SEPTIN8: variants seen among roughly 807,000 people sequenced by gnomAD.
The protein encoded by SEPTIN8 is septin 8.
A neutral mutation model predicts 53.1 loss-of-function variants in SEPTIN8; 22 were observed. That is an observed-to-expected ratio of 0.41 (90% CI 0.30 to 0.59). The LOEUF (loss-of-function observed/expected upper bound fraction) is 0.59, where lower values mean the gene tolerates loss of function less well. Ranked by LOEUF, SEPTIN8 falls within the 20% of genes least tolerant of loss-of-function variation. The pLI is 0.24. For synonymous variants in SEPTIN8, 228 were observed against 248.4 expected (o/e 0.92, Z 0.77); for missense variants, 536 against 638.7 (o/e 0.84, Z 1.73).
chr5:132,753,683 TATTATAGGCTAAC>T (rs1755058083), intron 9 of SEPTIN8: 1 of 152,526 alleles, frequency 6.6e-6, no homozygotes, highest in African/African-American at 2.4e-5. Context: ...AATGAATGGG[TATTATAGGCTAAC>T]ACCTGTGATG....
At position 132,764,330 on chromosome 5, in the gene SEPTIN8, C is replaced by T. The variant is rs747374930; in HGVS notation, c.241G>A (p.Val81Met). 1.5e-5 allele frequency: 25 copies of T among 1,614,078 alleles called. No individual in the cohort carries two copies. Among genetic ancestry groups the T allele is most frequent in the South Asian group, 1.1e-4 (10 of 91,076 alleles). ...TEEASHHEAC[V>M]RLRPQTYDLQ... ...TCATAGGTCTGGGGCCGCAGGCGCA[C>T]GCATGCCTCATGGTGACTGGCTTCC... The change falls in exon 3 of 10, where the codon GTG becomes ATG. Residue 81 changes from valine (V) to methionine (M), a missense_variant. Around this residue, in one of 3 missense-constraint regions of SEPTIN8, gnomAD observed 395 missense variants for 451.8 expected, o/e 0.87. Coordinates refer to ENST00000378719, the MANE Select transcript of SEPTIN8 (RefSeq NM_001098811.2).
At chr5:132,778,237 C>G (rs940343907), upstream of SEPTIN8, 8 of 307,958 alleles carry the variant, frequency 2.6e-5, no homozygotes, top group Non-Finnish European at 3.8e-5. Context: ...GCCCCCTACC[C>G]CCCACTGGCC....
At chr5:132,762,381 G>A (rs554957610) in intron 5 of SEPTIN8, 103 bp downstream of exon 5, 2 of 1,189,962 alleles carry the variant, frequency 1.7e-6, no homozygotes, top group Admixed American at 4.0e-5. Context: ...GAGAAGCTAA[G>A]GCTGGAATCC....
chr5:132,757,187 TAAA>T, intron 9 of SEPTIN8: 1 of 977,298 alleles, frequency 1.0e-6, no homozygotes, highest in Non-Finnish European at 1.2e-6. Flanking sequence ...TTGTTTTTCT[TAAA>T]GAAGTCTTTC....
intron 5 of SEPTIN8, among the ~76,000 whole-genome samples, 175 bp downstream of exon 5, chr5:132,762,309 T>C (rs112109081): frequency 2.0e-5 from 3 of 152,328 alleles, no homozygotes; most frequent in African/African-American, 4.8e-5. Context: ...TATCAGATTC[T>C]TCCTGTCCCC....
chr5:132,757,539 AG>A, intron 9 of SEPTIN8: 8 of 985,538 alleles, frequency 8.1e-6, no homozygotes, highest in Non-Finnish European at 9.6e-6. Context: ...CGTCTTCCTG[AG>A]GCTTCCAGCC....
chr5:132,760,985 T>C lies in SEPTIN8; in HGVS notation c.1103A>G (p.Glu368Gly). ...ELKEKERELH[E>G]KFEHLKRVHQ... ...GACCCGCTTCAGGTGCTCAAACTTC[T>C]CATGGAGCTGGCATCAGAAAGGGGG... is the stretch of plus-strand genomic sequence containing the variant. Residue 368 changes from glutamate (E) to glycine (G), a missense_variant, in exon 9 of 10, where the codon GAG (glutamate) becomes GGG (glycine). Glu to Gly is a moderately conservative substitution (Grantham distance 98). Around this residue, in one of 3 missense-constraint regions of SEPTIN8, gnomAD observed 133 missense variants for 157.4 expected, o/e 0.84. Transcript: ENST00000378719. This position sits in a 1 kb window ranked among gnomAD's most constrained non-coding sequence, Gnocchi z 5.2. 1.9e-6 allele frequency: 3 copies of C among 1,580,238 alleles called. No individual in the cohort carries two copies. The highest frequency in any genetic ancestry group is 2.6e-6 in the Non-Finnish European group (3 of 1,163,794).
rs1756368085 is a variant in SEPTIN8, at chr5:132,764,427, G to C, written c.152-8C>G. On this transcript the variant is annotated splice_polypyrimidine_tract_variant and splice_region_variant and intron_variant, in intron 2 of 9. Transcript: ENST00000378719. ...TGCCAATGCCGGTCTCCCCTGGGCA[G>C]TGAGGACAGGAGGGGAAGAAGTGGG... 2 of 1,607,890 alleles carry C rather than the reference G, an allele frequency of 1.2e-6. No individual in the cohort carries two copies. Among genetic ancestry groups the C allele is most frequent in the Non-Finnish European group, 1.7e-6 (2 of 1,176,500 alleles).
chr5:132,757,916 T>A, intron 9 of SEPTIN8: 2 of 985,764 alleles, frequency 2.0e-6, no homozygotes, highest in Non-Finnish European at 2.4e-6. Flanking sequence ...TAACAACCTT[T>A]TTCCCACTGA....
At chr5:132,775,626 C>G (rs30522) in intron 1 of SEPTIN8, 146,545 of 152,316 alleles carry the variant, frequency 0.96, 70,574 homozygotes, top group East Asian at 1. Context: ...CCACCTGCAA[C>G]ATCAACTGTT....
chr5:132,767,985 ACG>A (rs1756791380), intron 1 of SEPTIN8, among the ~76,000 whole-genome samples: 1 of 149,822 alleles, frequency 6.7e-6, no homozygotes, highest in Non-Finnish European at 1.5e-5. Flanking sequence ...ACACACACAC[ACG>A]CAGCCGCAGA....
chr5:132,766,369 G>C (rs1003064502), intron 1 of SEPTIN8, among the ~76,000 whole-genome samples: 2 of 152,226 alleles, frequency 1.3e-5, no homozygotes, highest in African/African-American at 4.8e-5. Context: ...GGGCTGAGCG[G>C]CAGGCCCCGA....
At chr5:132,755,154 G>A (rs1354901078) in intron 9 of SEPTIN8, among the ~76,000 whole-genome samples, 1 of 152,152 alleles carries the variant, frequency 6.6e-6, no homozygotes, top group Non-Finnish European at 1.5e-5. Context: ...GCCTGCATTA[G>A]GGATGTGTTC....
In SEPTIN8 at chr5:132,762,648, GC is replaced by G; in HGVS notation, c.535-4del. ...GCGATGATGGGAATAATGTTCACCT[GC>G]CAGGATCAGGGGAGGGGACAGCAGG... On this transcript the variant is annotated splice_region_variant and splice_polypyrimidine_tract_variant and intron_variant, in intron 4 of 9. Transcript: ENST00000378719. 1.2e-6 allele frequency: 2 copies of G among 1,614,158 alleles called. No homozygotes were observed. The highest frequency in any genetic ancestry group is 1.7e-6 in the Non-Finnish European group (2 of 1,179,992).
In SEPTIN8 at chr5:132,763,885, G is replaced by A. The variant is rs1756273615; in HGVS notation, c.355C>T (p.Pro119Ser). The A allele has an allele frequency of 6.4e-7, 1 of 1,568,508 alleles. No individual in the cohort carries two copies. The highest frequency in any genetic ancestry group is 1.8e-5 in the Admixed American group (1 of 56,190). Residue 119 changes from proline to serine, a missense_variant, in exon 4 of 10, where the codon CCC (proline) becomes TCC (serine). Pro to Ser is a moderately conservative substitution (Grantham distance 74, BLOSUM62 -1). This residue lies in a region of SEPTIN8 where 395 missense variants were observed against 451.8 expected (regional missense o/e 0.87). Coordinates refer to ENST00000378719, the MANE Select transcript of SEPTIN8 (RefSeq NM_001098811.2). ...TGCGCATCGATGTAGTCAACTATGG[G>A]CCTGTAACTACAGACAGCTCCATCA... ...DQINKDESYR[P>S]IVDYIDAQFE...
chr5:132,769,982 C>CATATATAT (rs1164726534), intron 1 of SEPTIN8, among the ~76,000 whole-genome samples: 52 of 55,316 alleles, frequency 9.4e-4, no homozygotes, highest in Middle Eastern at 0.012. Flanking sequence ...TCTATATATA[C>CATATATAT]ATATATATAT....
At chr5:132,775,358 C>A (rs1206719146) in intron 1 of SEPTIN8, among the ~76,000 whole-genome samples, 1 of 152,166 alleles carries the variant, frequency 6.6e-6, no homozygotes, top group Admixed American at 6.5e-5. Flanking sequence ...GGGGGCCAGT[C>A]CTCACATCCA....
At chr5:132,758,414 G>A in intron 9 of SEPTIN8, 1 of 1,551,034 alleles carries the variant, frequency 6.4e-7, no homozygotes, top group South Asian at 1.2e-5. Context: ...AGACCACGCA[G>A]CTGCACCTAG....
Position 132,761,218 on chromosome 5 carries a change from A to G in SEPTIN8, c.1010T>C (p.Leu337Pro). ...EAKRKEFLSE[L>P]QRKEEEMRQM... ...CCTCATCTCTTCCTCCTTCCTCTGC[A>G]GCTCACTTAGGAACTCCTTCCTCTT... Residue 337 changes from leucine to proline, a missense_variant, in exon 8 of 10, where the codon CTG becomes CCG. Transcript: ENST00000378719. This position sits in a 1 kb window ranked among gnomAD's most constrained non-coding sequence, Gnocchi z 5.8. 1 of 1,614,168 alleles carries G rather than the reference A, an allele frequency of 6.2e-7. No individual in the cohort carries two copies. The highest frequency in any genetic ancestry group is 8.5e-7 in the Non-Finnish European group (1 of 1,180,036).
Sources: allele counts gnomAD v4.1 joint callset (sites outside exome capture counted in the v4.1 genomes callset), GRCh38; gene constraint gnomAD v4.1.1; regional missense constraint gnomAD v4.1.1; non-coding constraint Gnocchi (gnomAD v3.1); transcripts MANE v1.5; gene names NCBI Gene and HGNC (gene_info 2026-07-23, HGNC 2026-07-21).